SEZ6L: variants seen among roughly 807,000 people sequenced by gnomAD.
SEZ6L encodes seizure 6-like protein.
A neutral mutation model predicts 106.2 loss-of-function variants in SEZ6L; 37 were observed. The ratio of observed to expected loss-of-function variants is 0.35; its 90% CI spans 0.27 to 0.46. The LOEUF is 0.46. Among genes scored for constraint, SEZ6L ranks in the 20% least tolerant of loss-of-function variants. The pLI is 1.00. For synonymous variants in SEZ6L, 541 were observed against 570.4 expected (o/e 0.95, Z 0.73); for missense variants, 1,172 against 1,332.8 (o/e 0.88, Z 1.88).
At chr22:26,221,740 GCACACA>G (rs3222745) in intron 1 of SEZ6L, among the ~76,000 whole-genome samples, 2,196 of 149,386 alleles carry the variant, frequency 0.015, 37 homozygotes, top group South Asian at 0.061. Flanking sequence ...GCACACGCGT[GCACACA>G]CACACACACA....
At chr22:26,292,186 G>A (rs1310468120) in intron 1 of SEZ6L, 2 of 487,394 alleles carry the variant, frequency 4.1e-6, no homozygotes, top group East Asian at 3.2e-5. Flanking sequence ...GAAGGAAGGA[G>A]GGAGGGTGGG....
At chr22:26,374,192 T>C (rs1177519187) in intron 14 of SEZ6L, among the ~76,000 whole-genome samples, 1 of 151,926 alleles carries the variant, frequency 6.6e-6, no homozygotes, top group African/African-American at 2.4e-5. Context: ...ACTGCATGTA[T>C]ATATATGTAA....
chr22:26,305,888 TTCTCTC>T (rs3070663), intron 5 of SEZ6L, 85 bp from the exon 6 acceptor site: 12 of 1,194,768 alleles, frequency 1.0e-5, no homozygotes, highest in East Asian at 2.6e-5. Flanking sequence ...ACTCACTTCC[TTCTCTC>T]TCTCTCTCTC....
intron 1 of SEZ6L, among the ~76,000 whole-genome samples, chr22:26,179,539 A>G (rs1255412325): frequency 6.6e-6 from 1 of 152,228 alleles, no homozygotes; most frequent in Non-Finnish European, 1.5e-5. Flanking sequence ...CAGTCTCCAG[A>G]ACTGTGAGGA....
intron 9 of SEZ6L, among the ~76,000 whole-genome samples, chr22:26,331,090 A>T (rs1162738663): frequency 6.6e-6 from 1 of 152,112 alleles, no homozygotes; most frequent in Admixed American, 6.5e-5. Flanking sequence ...TACCAACCTC[A>T]CCTACCACCT....
chr22:26,176,184 G>C (rs898182824), intron 1 of SEZ6L, among the ~76,000 whole-genome samples: 2 of 152,254 alleles, frequency 1.3e-5, no homozygotes, highest in African/African-American at 4.8e-5. Context: ...GGTCAGAACG[G>C]TACAAGCACT....
intron 9 of SEZ6L, among the ~76,000 whole-genome samples, chr22:26,328,957 C>G (rs1315391727): frequency 6.6e-6 from 1 of 152,100 alleles, no homozygotes; most frequent in Non-Finnish European, 1.5e-5. Flanking sequence ...CCAGTCTCCA[C>G]CCCCAGGGTT....
In SEZ6L at chr22:26,311,873, C is replaced by G; in HGVS notation, c.1787C>G (p.Pro596Arg). ...ACTATAGTGGAGTTCACCTGCGACCCCGGCCACTCCCTGGAGCAGGGCCCG... is the reference window on the plus strand; with the variant it reads ...ACTATAGTGGAGTTCACCTGCGACCGCGGCCACTCCCTGGAGCAGGGCCCG... ...IGTIVEFTCD[P>R]GHSLEQGPAI... Residue 596 changes from proline to arginine, a missense_variant, in exon 8 of 17, where the codon CCC (proline) becomes CGC (arginine). Transcript: ENST00000248933. The G allele has an allele frequency of 6.2e-7, 1 of 1,614,194 alleles. No homozygotes were observed.
intron 1 of SEZ6L, among the ~76,000 whole-genome samples, chr22:26,277,479 C>G (rs1194418584): frequency 2.0e-5 from 3 of 152,196 alleles, no homozygotes; most frequent in Non-Finnish European, 4.4e-5. Flanking sequence ...AGAAATTAAT[C>G]AGTTGGGCTT....
intron 1 of SEZ6L, among the ~76,000 whole-genome samples, chr22:26,221,691 T>C (rs937719004): frequency 3.3e-5 from 5 of 152,120 alleles, no homozygotes; most frequent in African/African-American, 1.2e-4. Flanking sequence ...AAGCACCATC[T>C]CTCGTACCTG....
chr22:26,340,414 T>C, intron 9 of SEZ6L, 22 bp from the exon 10 acceptor site: 1 of 1,591,658 alleles, frequency 6.3e-7, no homozygotes, highest in Non-Finnish European at 8.5e-7. Context: ...CACATGACTC[T>C]CCCTCTTCTC....
intron 1 of SEZ6L, among the ~76,000 whole-genome samples, chr22:26,279,678 C>T (rs137191): frequency 0.4 from 60,080 of 152,056 alleles, 13,064 homozygotes; most frequent in African/African-American, 0.56. Context: ...GTCTACACCC[C>T]GCTTCCTGTC....
chr22:26,169,618 C>G lies in SEZ6L; in HGVS notation c.-52C>G. On this transcript the variant is annotated 5_prime_UTR_variant, in exon 1 of 17. Transcript: ENST00000248933. ...ACCGCCGCCCTCCTTCCCCAGCTCC[C>G]TCGCCGTCCGCCCGCCCCACAGCCA... The G allele has an allele frequency of 3.0e-6, 2 of 675,016 alleles. No homozygotes were observed. The highest frequency in any genetic ancestry group is 2.2e-6 in the Non-Finnish European group (1 of 455,096). The allele number at this position is 675,016 out of a possible 1,614,324, so 41.8% of individuals were successfully genotyped here. A position where few individuals can be genotyped will look rare whatever the true frequency, so the allele number is the denominator to read the frequency against.
At chr22:26,295,218 A>G (rs750105641) in intron 3 of SEZ6L, among the ~76,000 whole-genome samples, 14 of 152,196 alleles carry the variant, frequency 9.2e-5, no homozygotes, top group Non-Finnish European at 1.8e-4. Context: ...ATGACAATGC[A>G]GAGATCATTT....
At chr22:26,306,319 C>T (rs1265691871) in intron 6 of SEZ6L, among the ~76,000 whole-genome samples, 175 bp downstream of exon 6, 1 of 152,178 alleles carries the variant, frequency 6.6e-6, no homozygotes, top group Non-Finnish European at 1.5e-5. Context: ...CTTCCTTTTA[C>T]AGATAAGGAA....
rs538299153 is a variant in SEZ6L at position 26,374,842 on chromosome 22, C to G, written c.2828-733C>G. ...CCTGCAGCAGCTGTTATAGTTCTTGCAATTGCCACAGTGGGAGGTTGAGAG... is the reference window on the plus strand; with the variant it reads ...CCTGCAGCAGCTGTTATAGTTCTTGGAATTGCCACAGTGGGAGGTTGAGAG... On this transcript the variant is annotated intron_variant, in intron 14 of 16. Coordinates refer to ENST00000248933, the MANE Select transcript of SEZ6L (RefSeq NM_021115.5). Among the ~76,000 whole-genome samples the G allele has an allele frequency of 5.3e-5, 8 of 152,298 alleles. No homozygotes were observed. The South Asian group carries it at 1.7e-3, about 32-fold the overall frequency.
chr22:26,311,647 A>C, intron 7 of SEZ6L, 121 bp from the exon 8 acceptor site: 1 of 863,752 alleles, frequency 1.2e-6, no homozygotes, highest in Non-Finnish European at 1.8e-6. Flanking sequence ...AGGACACGTA[A>C]TTTGGTACCT....
intron 1 of SEZ6L, among the ~76,000 whole-genome samples, chr22:26,226,239 C>T (rs2078630243): frequency 6.6e-6 from 1 of 152,192 alleles, no homozygotes. Flanking sequence ...TGTTATAAAA[C>T]CCTTCTGTGA....
chr22:26,374,643 T>C (rs1275087656), intron 14 of SEZ6L, among the ~76,000 whole-genome samples: 1 of 152,172 alleles, frequency 6.6e-6, no homozygotes, highest in Non-Finnish European at 1.5e-5. Context: ...GTATTAGGAT[T>C]GATTTTTCAG....
Sources: gnomAD v4.1 joint callset for allele counts (sites outside exome capture counted in the v4.1 genomes callset) on GRCh38, gnomAD v4.1.1 for gene constraint, MANE v1.5 for transcripts, NCBI Gene and HGNC (gene_info 2026-07-23, HGNC 2026-07-21) for gene names.